The following GRID1 variants were observed in gnomAD, a reference collection of about 807,000 sequenced individuals.
GRID1 encodes the protein glutamate ionotropic receptor delta type subunit 1, also known as glutamate receptor ionotropic, delta-1.
GRID1 carries 28 observed loss-of-function variants against 98.0 expected under a neutral mutation model. The ratio of observed to expected loss-of-function variants is 0.29; its 90% CI spans 0.21 to 0.39. The LOEUF is 0.39. Among genes scored for constraint, GRID1 ranks in the 10% least tolerant of loss-of-function variants. GRID1 has a pLI of 1.00. For missense variants in GRID1, 1,111 were observed against 1,340.5 expected (o/e 0.83, Z 2.67); for synonymous variants, 553 against 538.5 (o/e 1.03, Z -0.37).
chr10:86,118,033 T>C (rs958668632), intron 4 of GRID1, among the ~76,000 whole-genome samples: 1 of 152,284 alleles, frequency 6.6e-6, no homozygotes, highest in Admixed American at 6.5e-5. Context: ...ATTTGCAATT[T>C]CAAAAATATG....
intron 12 of GRID1, among the ~76,000 whole-genome samples, chr10:85,694,767 A>G (rs1317741958): frequency 6.6e-6 from 1 of 150,680 alleles, no homozygotes; most frequent in Non-Finnish European, 1.5e-5. Flanking sequence ...GTACACATGG[A>G]CAAAGAGAGT....
rs547928082 is a variant in GRID1, at chr10:85,822,068, T to C, written c.1233+32428A>G. Among the ~76,000 whole-genome samples, 269 of 152,276 alleles carry C rather than the reference T, an allele frequency of 1.8e-3. 2 individuals carry two copies. The highest frequency in any genetic ancestry group is 5.3e-3 in the African/African-American group (219 of 41,552). On this transcript the variant is annotated intron_variant, in intron 8 of 15. Coordinates refer to ENST00000327946, the MANE Select transcript of GRID1 (RefSeq NM_017551.3). ...GGATCAAAGACTTAAACGTTAGACCTAAAACCATAAAAACCCTAGAAGAAA... is the reference window on the plus strand; with the variant it reads ...GGATCAAAGACTTAAACGTTAGACCCAAAACCATAAAAACCCTAGAAGAAA...
chr10:85,966,154 A>G (rs2131851988), intron 4 of GRID1, among the ~76,000 whole-genome samples: 1 of 152,336 alleles, frequency 6.6e-6, no homozygotes, highest in South Asian at 2.1e-4. Context: ...TAGGTAGGAA[A>G]AGCCCTGTCC....
chr10:85,837,090 C>G (rs1210965375), intron 8 of GRID1, among the ~76,000 whole-genome samples: 1 of 152,134 alleles, frequency 6.6e-6, no homozygotes, highest in African/African-American at 2.4e-5. Context: ...GTCTCCCCAC[C>G]CCCACCACCG....
intron 3 of GRID1, among the ~76,000 whole-genome samples, chr10:86,191,361 G>C (rs920489286): frequency 6.6e-6 from 1 of 152,132 alleles, no homozygotes; most frequent in African/African-American, 2.4e-5. Flanking sequence ...GAGGTGGCTG[G>C]TCCAGGTCGG....
At chr10:85,872,995 C>T (rs188091634) in intron 5 of GRID1, among the ~76,000 whole-genome samples, 23 of 152,344 alleles carry the variant, frequency 1.5e-4, no homozygotes, top group Non-Finnish European at 2.8e-4. Flanking sequence ...GGTCACTTTT[C>T]TCCTTGCGTA....
intron 14 of GRID1, among the ~76,000 whole-genome samples, chr10:85,615,059 C>T (rs1173788189): frequency 6.6e-6 from 1 of 152,200 alleles, no homozygotes; most frequent in Non-Finnish European, 1.5e-5. Context: ...TCACTGCCCA[C>T]TGGACAGTTG....
intron 8 of GRID1, among the ~76,000 whole-genome samples, chr10:85,771,786 T>C (rs1272836144): frequency 2.6e-5 from 4 of 152,160 alleles, no homozygotes; most frequent in Non-Finnish European, 4.4e-5. Flanking sequence ...CCTAAATATA[T>C]ATGCACCCAA....
intron 8 of GRID1, among the ~76,000 whole-genome samples, chr10:85,826,128 A>C (rs1159479442): frequency 6.6e-6 from 1 of 151,968 alleles, no homozygotes. Context: ...GGTGTTCCAG[A>C]CCAGCCTGAC....
At position 85,620,304 on chromosome 10, in the gene GRID1, T is replaced by G. The variant is rs553770368; in HGVS notation, c.2194-271A>C. Among the ~76,000 whole-genome samples, 51 of 152,344 alleles carry G rather than the reference T, an allele frequency of 3.3e-4. No homozygotes were observed. The South Asian group carries it at 3.7e-3, about 11-fold the overall frequency. ...GGGCAGAGGAGCTAGAGGTGGGCTC[T>G]AAGACGAGCTTCCTGGTCACAGTGC... On this transcript the variant is annotated intron_variant, in intron 13 of 15. Coordinates refer to ENST00000327946, the MANE Select transcript of GRID1 (RefSeq NM_017551.3).
chr10:86,026,944 G>A (rs1843123926), intron 4 of GRID1, among the ~76,000 whole-genome samples: 1 of 152,172 alleles, frequency 6.6e-6, no homozygotes, highest in South Asian at 2.1e-4. Context: ...ACAGCTGCGT[G>A]GAGACAAAGA....
chr10:86,078,396 G>C (rs564165544), intron 4 of GRID1, among the ~76,000 whole-genome samples: 16 of 152,328 alleles, frequency 1.1e-4, no homozygotes, highest in Non-Finnish European at 2.1e-4. Flanking sequence ...TCCTCTTGGG[G>C]ACGGTCAGCA....
At chr10:85,850,043 G>A (rs1162759319) in intron 8 of GRID1, among the ~76,000 whole-genome samples, 3 of 152,160 alleles carry the variant, frequency 2.0e-5, no homozygotes, top group African/African-American at 7.2e-5. Context: ...AGATGCTCCT[G>A]TCTACCTCCC....
intron 8 of GRID1, among the ~76,000 whole-genome samples, chr10:85,824,692 C>T (rs1049988011): frequency 6.6e-6 from 1 of 152,080 alleles, no homozygotes; most frequent in African/African-American, 2.4e-5. Context: ...CTCACCACCC[C>T]CCCACCACCA....
chr10:86,064,869 A>C (rs1589358301), intron 4 of GRID1, among the ~76,000 whole-genome samples: 1 of 152,208 alleles, frequency 6.6e-6, no homozygotes, highest in East Asian at 1.9e-4. Flanking sequence ...ACAAACTGAA[A>C]ACTCGCTGGC....
chr10:85,912,118 T>C (rs975513815), intron 5 of GRID1, among the ~76,000 whole-genome samples: 1 of 152,236 alleles, frequency 6.6e-6, no homozygotes, highest in African/African-American at 2.4e-5. Context: ...CTCAGGGCAT[T>C]GAGGATTCAG....
intron 2 of GRID1, among the ~76,000 whole-genome samples, chr10:86,228,127 A>C (rs1275574533): frequency 1.3e-5 from 2 of 149,750 alleles, no homozygotes; most frequent in Non-Finnish European, 3.0e-5. Context: ...ATGAATATGT[A>C]GGTGGTTGGG....
At chr10:86,358,782 G>A (rs1242084095) in intron 2 of GRID1, among the ~76,000 whole-genome samples, 1 of 151,476 alleles carries the variant, frequency 6.6e-6, no homozygotes, top group Non-Finnish European at 1.5e-5. Context: ...AAATAATAGG[G>A]AGATTATCTG....
rs146411804 is a variant in GRID1, at chr10:86,297,477, T to A, written c.235+66464A>T. The stretch of plus-strand genomic sequence containing the variant: ...ATCAGAAAATAAACGGTGGAGAGAT[T>A]AAGGAGTCAACTAGAGAAGTCAAAT... On this transcript the variant is annotated intron_variant, in intron 2 of 15. Coordinates refer to ENST00000327946, the MANE Select transcript of GRID1 (RefSeq NM_017551.3). Among the ~76,000 whole-genome samples the A allele has an allele frequency of 1.2e-4, 19 of 152,234 alleles. No individual in the cohort carries two copies. In the East Asian group the frequency reaches 3.5e-3, roughly 28 times the overall value.
Sources: allele counts gnomAD v4.1 joint callset (sites outside exome capture counted in the v4.1 genomes callset), GRCh38; gene constraint gnomAD v4.1.1; transcripts MANE v1.5; gene names NCBI Gene and HGNC (gene_info 2026-07-23, HGNC 2026-07-21).